ANKMY1: variants seen among roughly 807,000 people sequenced by gnomAD.
ANKMY1 encodes ankyrin repeat and MYND domain-containing protein 1.
ANKMY1 carries 98 observed loss-of-function variants against 102.0 expected under a neutral mutation model. The observed-to-expected ratio is 0.96, with a 90% CI of 0.82 to 1.14. The LOEUF (loss-of-function observed/expected upper bound fraction) is 1.14, where lower values mean the gene tolerates loss of function less well. Among genes scored for constraint, ANKMY1 ranks in the 50% most tolerant of loss-of-function variants. The pLI is 0.00. For missense variants in ANKMY1, 1,330 were observed against 1,347.6 expected (o/e 0.99, Z 0.20); for synonymous variants, 582 against 559.9 (o/e 1.04, Z -0.56).
chr2:240,478,896 G>A (rs886820337), downstream of ANKMY1, among the ~76,000 whole-genome samples: 2 of 152,028 alleles, frequency 1.3e-5, no homozygotes, highest in African/African-American at 4.8e-5. Flanking sequence ...CCTGGACGCT[G>A]TCCCCTTGTC....
the ANKMY1 span, among the ~76,000 whole-genome samples, chr2:240,468,962 CA>C: frequency 1.3e-5 from 2 of 152,204 alleles, no homozygotes; most frequent in Non-Finnish European, 2.9e-5. Context: ...GGCCCCTCCG[CA>C]AGTCCCAGAG....
At chr2:240,472,307 G>A in the ANKMY1 span, among the ~76,000 whole-genome samples, 3 of 151,874 alleles carry the variant, frequency 2.0e-5, no homozygotes, top group South Asian at 2.1e-4. Flanking sequence ...AACTGCACAG[G>A]CTGAAGGAGC....
At chr2:240,510,346 G>A (rs945343839) in intron 11 of ANKMY1, among the ~76,000 whole-genome samples, 37 of 117,148 alleles carry the variant, frequency 3.2e-4, no homozygotes, top group Middle Eastern at 4.1e-3. Context: ...TGCCCTTCCC[G>A]CCTCCCTGAC....
At chr2:240,497,135 A>C (rs954349197) in intron 15 of ANKMY1, among the ~76,000 whole-genome samples, 1 of 151,758 alleles carries the variant, frequency 6.6e-6, no homozygotes, top group Non-Finnish European at 1.5e-5. Flanking sequence ...TGAGCATAAG[A>C]ATGGAGCCGC....
At chr2:240,498,999 T>G (rs2077684002) in intron 15 of ANKMY1, among the ~76,000 whole-genome samples, 1 of 152,184 alleles carries the variant, frequency 6.6e-6, no homozygotes, top group Non-Finnish European at 1.5e-5. Context: ...ATTAAACCTC[T>G]TTTCTAATTA....
intron 15 of ANKMY1, among the ~76,000 whole-genome samples, chr2:240,495,949 T>C (rs1310125031): frequency 1.3e-5 from 2 of 152,212 alleles, no homozygotes; most frequent in Non-Finnish European, 1.5e-5. Context: ...AGTTCCAGCA[T>C]TCTCTCTTGG....
intron 13 of ANKMY1, among the ~76,000 whole-genome samples, chr2:240,504,384 T>G (rs1222934614): frequency 6.6e-6 from 1 of 152,170 alleles, no homozygotes; most frequent in Non-Finnish European, 1.5e-5. Flanking sequence ...TATAAAACTC[T>G]TAGAAGAAAA....
intron 4 of ANKMY1, among the ~76,000 whole-genome samples, chr2:240,550,272 C>G (rs1471272328): frequency 6.7e-6 from 1 of 149,220 alleles, no homozygotes; most frequent in Non-Finnish European, 1.5e-5. Flanking sequence ...AACAAAAAAC[C>G]AAACACCGCG....
intron 5 of ANKMY1, chr2:240,526,694 G>C (rs2083502097): frequency 1.4e-6 from 2 of 1,404,758 alleles, no homozygotes; most frequent in Admixed American, 3.0e-5. Flanking sequence ...GTCCCGACAG[G>C]AATGTGCTGG....
chr2:240,507,816 C>T, intron 12 of ANKMY1, 125 bp from the exon 13 acceptor site: 1 of 1,207,576 alleles, frequency 8.3e-7, no homozygotes, highest in Non-Finnish European at 1.1e-6. Flanking sequence ...GAGGCCACCG[C>T]TGGCCCTTCC....
intron 2 of ANKMY1, among the ~76,000 whole-genome samples, chr2:240,556,416 C>T (rs1462132590): frequency 2.0e-5 from 3 of 152,176 alleles, no homozygotes; most frequent in Non-Finnish European, 2.9e-5. Context: ...ATGCAGGCTC[C>T]TAGCTAAGCC....
At chr2:240,532,861 T>C (rs1482036980) in intron 4 of ANKMY1, among the ~76,000 whole-genome samples, 1 of 152,202 alleles carries the variant, frequency 6.6e-6, no homozygotes, top group African/African-American at 2.4e-5. Context: ...CACGCCATCA[T>C]GCCCAACTAA....
At chr2:240,480,124 G>A (rs751314636) in intron 17 of ANKMY1, among the ~76,000 whole-genome samples, 2 of 152,182 alleles carry the variant, frequency 1.3e-5, no homozygotes, top group African/African-American at 2.4e-5. Context: ...CCGGGGAGGC[G>A]GAGGTTGCAG....
downstream of ANKMY1, among the ~76,000 whole-genome samples, chr2:240,478,831 C>G (rs1446929768): frequency 6.6e-6 from 1 of 152,084 alleles, no homozygotes; most frequent in East Asian, 1.9e-4. Flanking sequence ...CAGGCTCCCA[C>G]CCCCCACACT....
At position 240,500,608 on chromosome 2, in the gene ANKMY1, G is replaced by C. The variant is rs771823166; in HGVS notation, c.2527-43C>G. 5.8e-6 allele frequency: 9 copies of C among 1,555,324 alleles called. No homozygotes were observed. The Admixed American group carries it at 1.3e-4, about 23-fold the overall frequency. On this transcript the variant is annotated intron_variant, in intron 13 of 17. Coordinates refer to ENST00000401804, the MANE Select transcript of ANKMY1 (RefSeq NM_001282771.3). ...AGGTCAAACACGCAAGGACATCCCGGCTACTGGGAGCAGCGGAAGCACCGC... is the reference window on the plus strand; with the variant it reads ...AGGTCAAACACGCAAGGACATCCCGCCTACTGGGAGCAGCGGAAGCACCGC...
At chr2:240,527,621 A>ATGGGTGGATTGATGGATGAATGGATGG (rs2083978831) in intron 5 of ANKMY1, 1 of 3,592 alleles carries the variant, frequency 2.8e-4, no homozygotes. Flanking sequence ...ATGGATGTTA[A>ATGGGTGGATTGATGGATGAATGGATGG]GTGGGTGGAC....
At chr2:240,545,083 T>C (rs2090030371) in intron 4 of ANKMY1, among the ~76,000 whole-genome samples, 1 of 151,514 alleles carries the variant, frequency 6.6e-6, no homozygotes, top group Non-Finnish European at 1.5e-5. Context: ...AAGACAACAG[T>C]AACCTCTGCA....
At chr2:240,508,156 G>A (rs1364012134) in intron 12 of ANKMY1, among the ~76,000 whole-genome samples, 1 of 152,242 alleles carries the variant, frequency 6.6e-6, no homozygotes, top group Non-Finnish European at 1.5e-5. Flanking sequence ...ACAGAAAGAG[G>A]CACACCTCCC....
At chr2:240,558,662 T>G (rs955744450), upstream of ANKMY1, 1 of 152,192 alleles carries the variant, frequency 6.6e-6, no homozygotes, top group African/African-American at 2.4e-5. Flanking sequence ...GGGCTTGCGT[T>G]TTCTCAACCC....
Sources: gnomAD v4.1 joint callset for allele counts (sites outside exome capture counted in the v4.1 genomes callset) on GRCh38, gnomAD v4.1.1 for gene constraint, MANE v1.5 for transcripts, NCBI Gene and HGNC (gene_info 2026-07-23, HGNC 2026-07-21) for gene names.